The following EMC1 variants were observed in gnomAD, a reference collection of about 807,000 sequenced individuals.
The protein encoded by EMC1 is ER membrane protein complex subunit 1.
A neutral mutation model predicts 128.8 loss-of-function variants in EMC1; 103 were observed. The observed-to-expected ratio is 0.80, with a 90% confidence interval of 0.68 to 0.94. EMC1 has a LOEUF of 0.94. EMC1 is among the 40% of genes least tolerant of loss of function. EMC1 has a pLI of 0.00. For missense variants in EMC1, 1,083 were observed against 1,250.6 expected, an observed-to-expected ratio of 0.87 and a Z score of 2.02; for synonymous variants, 442 against 490.4, an observed-to-expected ratio of 0.90 and a Z score of 1.30.
intron 20 of EMC1, 111 bp downstream of exon 20, chr1:19,222,513 T>G (rs1571973226): frequency 1.1e-6 from 1 of 928,522 alleles, no homozygotes; most frequent in East Asian, 2.6e-5. Context: ...TCACCACCTT[T>G]CCCTTACAGG....
intron 11 of EMC1, among the ~76,000 whole-genome samples, chr1:19,237,529 G>A (rs952039558): frequency 3.3e-5 from 5 of 152,058 alleles, no homozygotes; most frequent in Admixed American, 6.6e-5. Flanking sequence ...GCAGGAGGCC[G>A]GGATTAGACT....
intron 20 of EMC1, 57 bp from the exon 21 acceptor site, chr1:19,220,905 CA>C: frequency 7.9e-7 from 1 of 1,262,594 alleles, no homozygotes; most frequent in East Asian, 2.4e-5. Context: ...GGGCCAGTTA[CA>C]AAAATGTCAT....
At chr1:19,238,656 T>C in intron 10 of EMC1, 139 bp downstream of exon 10, 1 of 644,006 alleles carries the variant, frequency 1.6e-6, no homozygotes, top group Non-Finnish European at 2.8e-6. Flanking sequence ...AGAAACATCA[T>C]TTAATTTACA....
chr1:19,232,838 TG>T, intron 14 of EMC1, 65 bp from the exon 15 acceptor site: 2 of 1,609,076 alleles, frequency 1.2e-6, no homozygotes, highest in Non-Finnish European at 1.7e-6. Flanking sequence ...AGTCTGTCCT[TG>T]AAAACTAGAA....
rs1481974150 is a variant in EMC1, at chr1:19,217,815, G to A, written c.*1488C>T. ...GATGATAGATGCCTGTTTTTTTCTG[G>A]AGATTCTTAGACATTCAGTCACTCA... On this transcript the variant is annotated 3_prime_UTR_variant, in exon 23 of 23. Coordinates refer to ENST00000477853, the MANE Select transcript of EMC1 (RefSeq NM_015047.3). The A allele has an allele frequency of 1.3e-5, 2 of 151,968 alleles. No homozygotes were observed. The highest frequency in any genetic ancestry group is 4.1e-4 in the South Asian group (2 of 4,826). The allele number at this position is 151,968 out of a possible 1,614,324, so 9.4% of individuals were successfully genotyped here.
At position 19,222,748 on chromosome 1, in the gene EMC1, G is replaced by C; in HGVS notation, c.2463C>G (p.Ala821=). 1 of 1,614,208 alleles carries C rather than the reference G, an allele frequency of 6.2e-7. No homozygotes were observed. Among genetic ancestry groups the C allele is most frequent in the Non-Finnish European group, 8.5e-7 (1 of 1,180,034 alleles). Residue 821 remains alanine, a synonymous_variant, in exon 20 of 23, where the codon GCC becomes GCG. Coordinates refer to ENST00000477853, the MANE Select transcript of EMC1 (RefSeq NM_015047.3). ...YEGTEQYNAT[A]FSSLDRPQLP... is the part of the protein sequence containing the mutation. ...GCTGGGGGCGGTCCAGGGAGCTGAA[G>C]GCGGTGGCGTTGTATTGCTCAGTGC...
At chr1:19,231,462 G>T (rs776274565) in intron 15 of EMC1, 40 bp from the exon 16 acceptor site, 2 of 1,594,090 alleles carry the variant, frequency 1.3e-6, no homozygotes, top group East Asian at 2.3e-5. Flanking sequence ...AACAAGAAAA[G>T]ACTGCAAATC....
rs2151955850 is a variant in EMC1, at chr1:19,238,053, T to A, written c.1176A>T (p.Thr392=). 2 of 1,614,046 alleles carry A rather than the reference T, an allele frequency of 1.2e-6. No individual in the cohort carries two copies. Among genetic ancestry groups the A allele is most frequent in the East Asian group, 2.2e-5 (1 of 44,874 alleles). ...TGRRLLDTTI[T]FSLEQSGTRP... The stretch of plus-strand genomic sequence containing the variant: ...GAGTGCCGCTCTGTTCCAGGCTAAA[T>A]GTTATCGTGGTGTCCAGCAGCCGCC... Residue 392 remains threonine, a synonymous_variant, in exon 11 of 23, where the codon ACA becomes ACT. Transcript: ENST00000477853.
At chr1:19,242,566 G>T in intron 4 of EMC1, 93 bp from the exon 5 acceptor site, 3 of 1,419,382 alleles carry the variant, frequency 2.1e-6, no homozygotes, top group Non-Finnish European at 2.9e-6. Flanking sequence ...TGCTTAGTGG[G>T]TAAGAAAACA....
intron 4 of EMC1, among the ~76,000 whole-genome samples, chr1:19,242,930 G>A (rs1558111796): frequency 6.6e-6 from 1 of 152,152 alleles, no homozygotes; most frequent in Non-Finnish European, 1.5e-5. Context: ...TAATACAAAT[G>A]ACCCTATCAT....
chr1:19,248,930 T>C (rs967537024), intron 1 of EMC1, among the ~76,000 whole-genome samples: 1 of 152,188 alleles, frequency 6.6e-6, no homozygotes, highest in African/African-American at 2.4e-5. Context: ...TGGTAGCATA[T>C]GCCTGTAATC....
intron 2 of EMC1, 108 bp downstream of exon 2, chr1:19,244,798 A>G: frequency 7.7e-7 from 1 of 1,296,976 alleles, no homozygotes; most frequent in Non-Finnish European, 1.1e-6. Flanking sequence ...TAGGAGAGGC[A>G]TCTTTTGGCC....
rs1371340814 is a variant in EMC1 at position 19,219,323 on chromosome 1, G to A, written c.2962C>T (p.Leu988=). ...ITKRLAQVKL[L]NRAWR The stretch of plus-strand genomic sequence containing the variant: ...GTTCTTTATCGCCAGGCCCGATTCA[G>A]GAGCTTCACCTGTGCCAGTCTCTTA... The change falls in exon 23 of 23, where the codon CTG becomes TTG. Residue 988 remains leucine, a synonymous_variant. Transcript: ENST00000477853. The A allele has an allele frequency of 3.1e-6, 5 of 1,614,082 alleles. No individual in the cohort carries two copies. Among genetic ancestry groups the A allele is most frequent in the Non-Finnish European group, 4.2e-6 (5 of 1,180,042 alleles).
At chr1:19,246,374 A>T (rs963577383) in intron 1 of EMC1, among the ~76,000 whole-genome samples, 2 of 152,164 alleles carry the variant, frequency 1.3e-5, no homozygotes, top group Non-Finnish European at 2.9e-5. Context: ...TGGGCGACAG[A>T]GTGGGCCTCT....
intron 13 of EMC1, among the ~76,000 whole-genome samples, chr1:19,234,585 G>A (rs1460161899): frequency 2.0e-5 from 3 of 152,134 alleles, no homozygotes; most frequent in African/African-American, 4.8e-5. Context: ...AGCAGCTCAC[G>A]CCTGTAATCC....
intron 1 of EMC1, among the ~76,000 whole-genome samples, chr1:19,247,054 G>A (rs1459054208): frequency 2.0e-5 from 3 of 152,218 alleles, no homozygotes; most frequent in Non-Finnish European, 2.9e-5. Flanking sequence ...GCCAATGAGC[G>A]AGGCCTCAGA....
At position 19,233,086 on chromosome 1, in the gene EMC1, C is replaced by T. The variant is rs144396621; in HGVS notation, c.1482G>A (p.Leu494=). 2.5e-4 allele frequency: 396 copies of T among 1,614,060 alleles called. 2 individuals are homozygous for T. The highest frequency in any genetic ancestry group is 8.2e-4 in the Middle Eastern group (5 of 6,084). Residue 494 remains leucine (L), a synonymous_variant, in exon 14 of 23, where the codon CTG becomes CTA. Coordinates refer to ENST00000477853, the MANE Select transcript of EMC1 (RefSeq NM_015047.3). Reference sequence around the variant, plus strand: ...AGAGGTGGGAAGTCCATGCTTGCAGCAGGATAAGCTGAGACGAGAGGCGTT... The same window carrying T: ...AGAGGTGGGAAGTCCATGCTTGCAGTAGGATAAGCTGAGACGAGAGGCGTT... ...FLKRLSSQLI[L]LQAWTSHLWK...
At chr1:19,248,612 G>T (rs950555594) in intron 1 of EMC1, among the ~76,000 whole-genome samples, 2 of 151,998 alleles carry the variant, frequency 1.3e-5, no homozygotes, top group African/African-American at 2.4e-5. Flanking sequence ...GAGAGACGGG[G>T]TTTCACCATG....
At position 19,242,474 on chromosome 1, in the gene EMC1, C is replaced by T. The variant is rs1455505579; in HGVS notation, c.381-1G>A. 1 of 1,613,998 alleles carries T rather than the reference C, an allele frequency of 6.2e-7. No homozygotes were observed. Among genetic ancestry groups the T allele is most frequent in the African/African-American group, 1.3e-5 (1 of 74,924 alleles). On this transcript the variant is annotated splice_acceptor_variant, in intron 4 of 22. Transcript: ENST00000477853. LOFTEE classifies it high-confidence loss of function. ...GCCAACCAGCCCAAGTGCCTGGAAA[C>T]TGAACACAAGTACAGGTTGAGAGCA...
Sources: allele counts gnomAD v4.1 joint callset (sites outside exome capture counted in the v4.1 genomes callset), GRCh38; gene constraint gnomAD v4.1.1; transcripts MANE v1.5; gene names NCBI Gene and HGNC (gene_info 2026-07-23, HGNC 2026-07-21).